RIPK1: variants seen among roughly 807,000 people sequenced by gnomAD.
The protein encoded by RIPK1 is receptor interacting serine/threonine kinase 1.
RIPK1 carries 27 observed loss-of-function variants against 62.4 expected under a neutral mutation model. The ratio of observed to expected loss-of-function variants is 0.43; its 90% CI spans 0.32 to 0.60. The LOEUF (loss-of-function observed/expected upper bound fraction) is 0.60. Among genes scored for constraint, RIPK1 ranks in the 20% least tolerant of loss-of-function variants. RIPK1 has a pLI of 0.07. For synonymous variants in RIPK1, 287 were observed against 303.2 expected (o/e 0.95, Z 0.55); for missense variants, 735 against 831.0 (o/e 0.88, Z 1.42).
intron 1 of RIPK1, among the ~76,000 whole-genome samples, chr6:3,069,182 C>T (rs1265966125): frequency 6.6e-6 from 1 of 152,238 alleles, no homozygotes; most frequent in Admixed American, 6.5e-5. Flanking sequence ...AGGTGGGCTC[C>T]TAGTGCCCTA....
Position 3,089,613 on chromosome 6 carries a change from A to G in RIPK1, c.871A>G (p.Ser291Gly). 1 of 1,581,660 alleles carries G rather than the reference A, an allele frequency of 6.3e-7. No homozygotes were observed. The highest frequency in any genetic ancestry group is 8.7e-7 in the Non-Finnish European group (1 of 1,153,908). Reference protein sequence around the residue: ...IEEKFRPFYLSQLEESVEEDV... With the variant: ...IEEKFRPFYLGQLEESVEEDV... ...AGAAAAATTTAGGCCTTTTTATTTA[A>G]GTCAATTAGAAGAAAGTGTAGAAGA... The change falls in exon 7 of 11, where the codon AGT (serine) becomes GGT (glycine). Residue 291 changes from serine (S) to glycine (G), a missense_variant. Physicochemically the swap from Ser to Gly is moderately conservative, Grantham distance 56 (BLOSUM62 0). Transcript: ENST00000259808.
upstream of RIPK1, among the ~76,000 whole-genome samples, chr6:3,067,051 A>ATTTTTTTTTTTTTTTTTTTTT (rs36132424): frequency 5.1e-5 from 3 of 59,048 alleles, no homozygotes; most frequent in African/African-American, 2.1e-4. Context: ...TTGCTCCAGG[A>ATTTTTTTTTTTTTTTTTTTTT]TTTTTTTTTT....
rs114151197 is a variant in RIPK1 at position 3,072,614 on chromosome 6, A to T, written c.-61+3953A>T. ...TACGTTGGGTTCTGCTAGGCTCTGG[A>T]GATGGTGCACAAGACAAGTTTCCTG... On this transcript the variant is annotated intron_variant, in intron 1 of 10. Transcript: ENST00000259808. This position sits in a 1 kb window ranked among gnomAD's most constrained non-coding sequence, Gnocchi z 5.6. Among the ~76,000 whole-genome samples the T allele has an allele frequency of 2.0e-3, 306 of 152,196 alleles. 1 individual carries two copies. The highest frequency in any genetic ancestry group is 6.8e-3 in the African/African-American group (281 of 41,512).
intron 6 of RIPK1, 102 bp downstream of exon 6, chr6:3,085,510 C>A (rs187954077): frequency 2.2e-5 from 27 of 1,225,856 alleles, no homozygotes; most frequent in Non-Finnish European, 2.8e-5. Flanking sequence ...AAACTGAGTT[C>A]GACTTGACTT....
intron 7 of RIPK1, among the ~76,000 whole-genome samples, chr6:3,097,855 G>A (rs985605131): frequency 6.6e-6 from 1 of 151,806 alleles, no homozygotes; most frequent in Non-Finnish European, 1.5e-5. Context: ...ATTTTTAAAT[G>A]AATGTATACA....
At chr6:3,097,164 C>A (rs1355663927) in intron 7 of RIPK1, among the ~76,000 whole-genome samples, 1 of 152,154 alleles carries the variant, frequency 6.6e-6, no homozygotes, top group Non-Finnish European at 1.5e-5. Context: ...AGCCACCACG[C>A]CCAGCCTATA....
chr6:3,085,415 G>A lies in RIPK1; in HGVS notation c.838+7G>A. 1.2e-6 allele frequency: 2 copies of A among 1,614,072 alleles called. No homozygotes were observed. The highest frequency in any genetic ancestry group is 1.7e-6 in the Non-Finnish European group (2 of 1,179,974). On this transcript the variant is annotated splice_region_variant and intron_variant, in intron 6 of 10. Transcript: ENST00000259808. ...GCTCGGCCGACATTTCCTGGTAAGA[G>A]CATCTTTTCTGACTGTGTAGGATGC...
At chr6:3,064,268 C>G (rs1328273977), upstream of RIPK1, among the ~76,000 whole-genome samples, 2 of 152,254 alleles carry the variant, frequency 1.3e-5, no homozygotes, top group Middle Eastern at 3.4e-3. Flanking sequence ...CAGCTCCCAG[C>G]CAGCGCGGAC....
intron 10 of RIPK1, 92 bp from the exon 11 acceptor site, chr6:3,112,961 C>A: frequency 9.2e-7 from 1 of 1,086,926 alleles, no homozygotes; most frequent in Admixed American, 2.7e-5. Flanking sequence ...TTCTGGTACT[C>A]TTCATTTCAC....
At chr6:3,100,164 G>A (rs1224387217) in intron 7 of RIPK1, among the ~76,000 whole-genome samples, 1 of 152,174 alleles carries the variant, frequency 6.6e-6, no homozygotes, top group Non-Finnish European at 1.5e-5. Context: ...GCTCATGCCT[G>A]TAATTCCAGC....
At chr6:3,090,778 C>A (rs1436721643) in intron 7 of RIPK1, among the ~76,000 whole-genome samples, 1 of 148,190 alleles carries the variant, frequency 6.7e-6, no homozygotes, top group Admixed American at 6.7e-5. Context: ...ACCTGCCGCA[C>A]CTAGTAACCG....
Position 3,110,821 on chromosome 6 carries a change from C to T in RIPK1, c.1595C>T (p.Thr532Ile), listed in dbSNP as rs554441687. 7.7e-5 allele frequency: 121 copies of T among 1,578,780 alleles called. No homozygotes were observed. The highest frequency in any genetic ancestry group is 1.0e-4 in the Non-Finnish European group (119 of 1,150,774). ...LPPTDESIKY[T>I]IYNSTGIQIG... ...TATGCAGATGAATCTATAAAATATACCATATACAATAGTACTGGCATTCAG... is the reference window on the plus strand; with the variant it reads ...TATGCAGATGAATCTATAAAATATATCATATACAATAGTACTGGCATTCAG... The change falls in exon 10 of 11, where the codon ACC becomes ATC. Residue 532 changes from threonine (T) to isoleucine (I), a missense_variant. This residue lies in a region of RIPK1 where 671 missense variants were observed against 726.2 expected (regional missense o/e 0.92). Transcript: ENST00000259808.
At chr6:3,100,844 C>T (rs1435365831) in intron 7 of RIPK1, among the ~76,000 whole-genome samples, 2 of 152,086 alleles carry the variant, frequency 1.3e-5, no homozygotes, top group East Asian at 1.9e-4. Context: ...CTGCTCGCCT[C>T]GGCCTCCTAG....
At chr6:3,078,781 C>G (rs560024235) in intron 3 of RIPK1, among the ~76,000 whole-genome samples, 20 of 152,276 alleles carry the variant, frequency 1.3e-4, no homozygotes, top group African/African-American at 4.8e-4. Context: ...GATTTGAAAA[C>G]ATTTTTAAAA....
intron 7 of RIPK1, among the ~76,000 whole-genome samples, chr6:3,096,550 GTTTTTTTTTTTTTTTT>G (rs112979664): frequency 1.0e-5 from 1 of 98,450 alleles, no homozygotes; most frequent in Non-Finnish European, 2.0e-5. Context: ...AATATCTCAA[GTTTTTTTTTTTTTTTT>G]TTTTTTTTTT....
chr6:3,104,288 G>T lies in RIPK1; in HGVS notation c.979G>T (p.Ala327Ser). The change falls in exon 8 of 11, where the codon GCA becomes TCA. Residue 327 changes from alanine to serine, a missense_variant. Coordinates refer to ENST00000259808, the MANE Select transcript of RIPK1 (RefSeq NM_001354930.2). ...RMQSLQLDCV[A>S]VPSSRSNSAT... ...GCAGTCTCTTCAACTTGATTGTGTGGCAGTACCTTCAAGCCGGTCAAATTC... is the reference window on the plus strand; with the variant it reads ...GCAGTCTCTTCAACTTGATTGTGTGTCAGTACCTTCAAGCCGGTCAAATTC... 6.2e-7 allele frequency: 1 copy of T among 1,600,110 alleles called. No homozygotes were observed. The highest frequency in any genetic ancestry group is 8.6e-7 in the Non-Finnish European group (1 of 1,168,484).
intron 3 of RIPK1, 149 bp downstream of exon 3, chr6:3,078,084 G>C: frequency 1.3e-6 from 1 of 744,334 alleles, no homozygotes; most frequent in Non-Finnish European, 2.2e-6. Context: ...TTTTTATAGA[G>C]ACAAGGTCTT....
Position 3,095,399 on chromosome 6 carries a change from T to C in RIPK1, c.915+5742T>C, listed in dbSNP as rs35288283. ...CAATGAAGAAATTATGTCAATCTTATACAGTTTTCTCTAGATAATAGAGAA... is the reference window on the plus strand; with the variant it reads ...CAATGAAGAAATTATGTCAATCTTACACAGTTTTCTCTAGATAATAGAGAA... On this transcript the variant is annotated intron_variant, in intron 7 of 10. Transcript: ENST00000259808. Among the ~76,000 whole-genome samples, 1,378 of 152,336 alleles carry C rather than the reference T, an allele frequency of 9.0e-3. 15 individuals are homozygous for C. The highest frequency in any genetic ancestry group is 0.014 in the Non-Finnish European group (947 of 68,036).
intron 5 of RIPK1, among the ~76,000 whole-genome samples, chr6:3,084,423 C>T (rs1237276193): frequency 1.3e-5 from 2 of 152,088 alleles, no homozygotes; most frequent in Non-Finnish European, 2.9e-5. Context: ...TTGTGGGATG[C>T]GTCATGATCT....
Sources: gnomAD v4.1 joint callset for allele counts (sites outside exome capture counted in the v4.1 genomes callset) on GRCh38, gnomAD v4.1.1 for gene constraint, gnomAD v4.1.1 regional missense constraint, Gnocchi (gnomAD v3.1) non-coding constraint, MANE v1.5 for transcripts, NCBI Gene and HGNC (gene_info 2026-07-23, HGNC 2026-07-21) for gene names.